EXD2: variants seen among roughly 807,000 people sequenced by gnomAD.
EXD2 encodes exonuclease 3'-5' domain containing 2, also known as exonuclease 3'-5' domain-containing protein 2.
EXD2 carries 40 observed loss-of-function variants against 62.5 expected under a neutral mutation model. The ratio of observed to expected loss-of-function variants is 0.64; its 90% CI spans 0.50 to 0.83. EXD2 has a LOEUF of 0.83. EXD2 is among the 40% of genes least tolerant of loss of function. The pLI is 0.00. For missense variants in EXD2, 671 were observed against 761.8 expected, an observed-to-expected ratio of 0.88 and a Z score of 1.40; for synonymous variants, 239 against 291.9, an observed-to-expected ratio of 0.82 and a Z score of 1.85.
chr14:69,209,449 C>G lies in EXD2; in HGVS notation c.-22C>G, dbSNP rs1231709832. 5 of 1,472,096 alleles carry G rather than the reference C, an allele frequency of 3.4e-6. No individual in the cohort carries two copies. The highest frequency in any genetic ancestry group is 2.7e-6 in the Non-Finnish European group (3 of 1,109,064). 91.2% of individuals were successfully genotyped at this position (1,472,096 alleles called of 1,614,324 possible). ...ATTGTGGGATTAGTGATATGCTTTT[C>G]TAAAGAGTAGAAAAGTCGAAGATGT... On this transcript the variant is annotated 5_prime_UTR_variant, in exon 3 of 10. Coordinates refer to ENST00000685843, the MANE Select transcript of EXD2 (RefSeq NM_001193360.2).
At chr14:69,215,386 T>C (rs1185285832) in intron 3 of EXD2, among the ~76,000 whole-genome samples, 1 of 152,048 alleles carries the variant, frequency 6.6e-6, no homozygotes, top group East Asian at 1.9e-4. Flanking sequence ...ATGGTGCAAT[T>C]GAACATTTAC....
intron 1 of EXD2, among the ~76,000 whole-genome samples, chr14:69,203,012 G>C (rs776338617): frequency 2.6e-5 from 4 of 152,188 alleles, no homozygotes; most frequent in Non-Finnish European, 4.4e-5. Context: ...CTGCTGGGAA[G>C]TAATAGTATC....
intron 6 of EXD2, chr14:69,235,752 TC>T (rs2043759040): frequency 5.0e-6 from 2 of 396,128 alleles, no homozygotes; most frequent in Non-Finnish European, 9.3e-6. Context: ...GTTGCTTGGT[TC>T]TTTTTTGCAT....
At chr14:69,195,404 G>T (rs550278066) in intron 1 of EXD2, among the ~76,000 whole-genome samples, 28 of 152,044 alleles carry the variant, frequency 1.8e-4, no homozygotes, top group Admixed American at 1.4e-3. Flanking sequence ...ACCATGCTGC[G>T]CAGGCTGGTC....
chr14:69,240,964 A>AG lies in EXD2; in HGVS notation c.1731dup (p.Leu578AlafsTer70), dbSNP rs750669593. ...CAGGGTGGCCTGCGCTCCCTCATGC[A>AG]GCTGGAGAGCCGCTGGCGTCAGCAC... On this transcript the variant is annotated frameshift_variant, in exon 10 of 10. Transcript: ENST00000685843. LOFTEE classifies it high-confidence loss of function. 2 of 1,613,370 alleles carry AG rather than the reference A, an allele frequency of 1.2e-6. No homozygotes were observed. The highest frequency in any genetic ancestry group is 2.7e-5 in the African/African-American group (2 of 74,908).
Position 69,237,756 on chromosome 14 carries a change from C to A in EXD2, c.1474C>A (p.Arg492Ser), listed in dbSNP as rs745891692. Residue 492 changes from arginine to serine, a missense_variant, in exon 9 of 10, where the codon CGC (arginine) becomes AGC (serine). Transcript: ENST00000685843. ...CCCCATCGGCTCTGAGGAGGGCTTG[C>A]GCCTGCTGGAAGATCCTGAGCGCCG... The part of the protein sequence containing the change: ...QAPIGSEEGL[R>S]LLEDPERRQV... The A allele has an allele frequency of 1.2e-6, 2 of 1,613,576 alleles. No individual in the cohort carries two copies. Among genetic ancestry groups the A allele is most frequent in the Non-Finnish European group, 8.5e-7 (1 of 1,179,824 alleles).
intron 3 of EXD2, among the ~76,000 whole-genome samples, chr14:69,227,707 G>T (rs1294076528): frequency 6.6e-6 from 1 of 152,064 alleles, no homozygotes; most frequent in Non-Finnish European, 1.5e-5. Context: ...AGCTGGGCGT[G>T]CCTGTAACCC....
chr14:69,237,395 C>T (rs971395370), intron 8 of EXD2, among the ~76,000 whole-genome samples, 180 bp from the exon 9 acceptor site: 10 of 152,148 alleles, frequency 6.6e-5, no homozygotes, highest in Admixed American at 5.9e-4. Context: ...AGCTAAGACA[C>T]AGATGGGCTG....
At chr14:69,215,740 T>G (rs1333997453) in intron 3 of EXD2, among the ~76,000 whole-genome samples, 1 of 152,200 alleles carries the variant, frequency 6.6e-6, no homozygotes, top group African/African-American at 2.4e-5. Flanking sequence ...CTAATGAAAT[T>G]GAACATCTTT....
chr14:69,237,781 G>A lies in EXD2; in HGVS notation c.1499G>A (p.Arg500Gln), dbSNP rs534330100. The change falls in exon 9 of 10, where the codon CGG becomes CAG. Residue 500 changes from arginine to glutamine, a missense_variant. Arg to Gln is a conservative substitution (Grantham distance 43). Transcript: ENST00000685843. ...GLRLLEDPERRQVRSGARALL... is the reference protein window; with the variant it reads ...GLRLLEDPERQQVRSGARALL... ...CGCCTGCTGGAAGATCCTGAGCGCC[G>A]GCAGGTGCGTTCTGGGGCCAGGGCC... The A allele has an allele frequency of 4.0e-5, 64 of 1,613,564 alleles. No individual in the cohort carries two copies. Among genetic ancestry groups the A allele is most frequent in the Non-Finnish European group, 4.7e-5 (55 of 1,179,840 alleles).
intron 1 of EXD2, among the ~76,000 whole-genome samples, chr14:69,202,207 A>G (rs1364403299): frequency 6.6e-6 from 1 of 151,966 alleles, no homozygotes; most frequent in Non-Finnish European, 1.5e-5. Context: ...CCCCGTTTCT[A>G]CCAAAAATAC....
intron 9 of EXD2, 104 bp from the exon 10 acceptor site, chr14:69,240,780 C>T (rs1222881880): frequency 1.1e-6 from 1 of 902,094 alleles, no homozygotes; most frequent in Non-Finnish European, 1.7e-6. Flanking sequence ...CTTTAGGAGT[C>T]CTTCAACCTC....
At chr14:69,231,331 ATTCT>A (rs1019597236) in intron 5 of EXD2, among the ~76,000 whole-genome samples, 51 of 151,942 alleles carry the variant, frequency 3.4e-4, no homozygotes, top group African/African-American at 1.1e-3. Flanking sequence ...TGCATGCGTT[ATTCT>A]TTCTTATTTA....
intron 9 of EXD2, among the ~76,000 whole-genome samples, chr14:69,238,201 T>G (rs1445419298): frequency 1.3e-5 from 2 of 152,212 alleles, no homozygotes; most frequent in African/African-American, 2.4e-5. Context: ...TTTTTGTGAT[T>G]AGCGTGCGAG....
At chr14:69,194,165 G>A (rs1284514060) in intron 1 of EXD2, among the ~76,000 whole-genome samples, 1 of 146,124 alleles carries the variant, frequency 6.8e-6, no homozygotes, top group East Asian at 2.0e-4. Context: ...TTGAGTCAGA[G>A]TCTCGCTGTG....
chr14:69,194,701 G>T (rs1300199610), intron 1 of EXD2, among the ~76,000 whole-genome samples: 1 of 151,850 alleles, frequency 6.6e-6, no homozygotes, highest in Non-Finnish European at 1.5e-5. Flanking sequence ...CTGTTCTATG[G>T]CATACTTTTC....
intron 3 of EXD2, among the ~76,000 whole-genome samples, chr14:69,216,618 C>A (rs921622771): frequency 6.6e-6 from 1 of 151,966 alleles, no homozygotes; most frequent in Admixed American, 6.6e-5. Flanking sequence ...GTTTTAGAAT[C>A]AATTTTCAGG....
At chr14:69,228,185 C>CTTT (rs35695329) in intron 3 of EXD2, among the ~76,000 whole-genome samples, 16 of 80,536 alleles carry the variant, frequency 2.0e-4, no homozygotes, top group South Asian at 6.3e-4. Context: ...TTTCCTTAGC[C>CTTT]TTTTTTTTTT....
rs1213577509 is a variant in EXD2 at position 69,241,566 on chromosome 14, A to T, written c.*466A>T. 1 of 308,274 alleles carries T rather than the reference A, an allele frequency of 3.2e-6. No individual in the cohort carries two copies. Among genetic ancestry groups the T allele is most frequent in the African/African-American group, 2.1e-5 (1 of 46,540 alleles). 19.1% of individuals were successfully genotyped at this position (308,274 alleles called of 1,614,324 possible). ...GGCTGGAGAAGTGAACAAGGAGTCAAATTTATTTTCCCAATTCAACTTCAT... is the reference window on the plus strand; with the variant it reads ...GGCTGGAGAAGTGAACAAGGAGTCATATTTATTTTCCCAATTCAACTTCAT... On this transcript the variant is annotated 3_prime_UTR_variant, in exon 10 of 10. Transcript: ENST00000685843.
Sources: allele counts gnomAD v4.1 joint callset (sites outside exome capture counted in the v4.1 genomes callset), GRCh38; gene constraint gnomAD v4.1.1; transcripts MANE v1.5; gene names NCBI Gene and HGNC (gene_info 2026-07-23, HGNC 2026-07-21).